DRICH1: variants seen among roughly 807,000 people sequenced by gnomAD.
DRICH1 encodes the protein aspartate-rich protein 1.
A neutral mutation model predicts 39.5 loss-of-function variants in DRICH1; 38 were observed. The ratio of observed to expected loss-of-function variants is 0.96; its 90% CI spans 0.74 to 1.26. The LOEUF (loss-of-function observed/expected upper bound fraction) is 1.26. Among genes scored for constraint, DRICH1 ranks in the 50% most tolerant of loss-of-function variants. The probability of loss-of-function intolerance (pLI) is 0.00; values close to 1 mark genes in which losing one functional copy is unlikely to be tolerated. For missense variants in DRICH1, 279 were observed against 270.4 expected, an observed-to-expected ratio of 1.03 and a Z score of -0.22; for synonymous variants, 84 against 99.5, an observed-to-expected ratio of 0.84 and a Z score of 0.93.
intron 1 of DRICH1, among the ~76,000 whole-genome samples, chr22:23,629,152 C>A (rs1382189952): frequency 6.6e-6 from 1 of 152,272 alleles, no homozygotes; most frequent in Non-Finnish European, 1.5e-5. Flanking sequence ...GATTCTCCTG[C>A]CTCAACCTCC....
upstream of DRICH1, chr22:23,632,682 G>C (rs112766269): frequency 0.089 from 13,554 of 152,394 alleles, 2,090 homozygotes; most frequent in African/African-American, 0.31. Context: ...CTGAGCGGGG[G>C]GGGTGGATCA....
At chr22:23,600,261 T>C in the DRICH1 span, among the ~76,000 whole-genome samples, 1 of 152,080 alleles carries the variant, frequency 6.6e-6, no homozygotes, top group Non-Finnish European at 1.5e-5. Flanking sequence ...CCCCCTGAAA[T>C]GTCTGAGGTT....
intron 1 of DRICH1, among the ~76,000 whole-genome samples, chr22:23,629,027 CTTTAA>C: frequency 6.7e-6 from 1 of 148,930 alleles, no homozygotes; most frequent in Non-Finnish European, 1.5e-5. Context: ...CCGCTCTTCT[CTTTAA>C]TTTTTTGTTT....
At position 23,625,973 on chromosome 22, in the gene DRICH1, G is replaced by A. The variant is rs370907048; in HGVS notation, c.276+8C>T. The stretch of plus-strand genomic sequence containing the variant: ...ATTTCCTTAGAAGGCAAAGAAAGGG[G>A]GTCTTACCTTGGCATCATCATTGTC... On this transcript the variant is annotated splice_region_variant and intron_variant, in intron 2 of 11. Coordinates refer to ENST00000317749, the MANE Select transcript of DRICH1 (RefSeq NM_016449.4). The A allele has an allele frequency of 1.7e-5, 27 of 1,608,918 alleles. No individual in the cohort carries two copies. The highest frequency in any genetic ancestry group is 2.7e-5 in the African/African-American group (2 of 74,802).
downstream of DRICH1, among the ~76,000 whole-genome samples, chr22:23,604,351 T>C (rs1167681145): frequency 6.6e-6 from 1 of 152,114 alleles, no homozygotes; most frequent in Non-Finnish European, 1.5e-5. Context: ...CACCTGTCAC[T>C]CATCCTCTGT....
intron 8 of DRICH1, among the ~76,000 whole-genome samples, chr22:23,615,221 A>C (rs1927284034): frequency 6.6e-6 from 1 of 152,068 alleles, no homozygotes; most frequent in Non-Finnish European, 1.5e-5. Context: ...TAAAAATACA[A>C]AAAAATTAGC....
intron 1 of DRICH1, chr22:23,630,545 T>A (rs948800368): frequency 2.0e-5 from 3 of 152,138 alleles, no homozygotes; most frequent in African/African-American, 7.2e-5. Context: ...AAGAATGACA[T>A]GACTTGGGAG....
Position 23,625,978 on chromosome 22 carries a change from T to TA in DRICH1, c.276+2dup. ...CTTAGAAGGCAAAGAAAGGGGGTCTTACCTTGGCATCATCATTGTCTTCCT... is the reference window on the plus strand; with the variant it reads ...CTTAGAAGGCAAAGAAAGGGGGTCTTAACCTTGGCATCATCATTGTCTTCCT... On this transcript the variant is annotated splice_region_variant and intron_variant, in intron 2 of 11. Coordinates refer to ENST00000317749, the MANE Select transcript of DRICH1 (RefSeq NM_016449.4). The TA allele has an allele frequency of 6.2e-7, 1 of 1,608,036 alleles. No homozygotes were observed. The highest frequency in any genetic ancestry group is 8.5e-7 in the Non-Finnish European group (1 of 1,177,936).
At chr22:23,601,146 G>GCGCGCA in the DRICH1 span, among the ~76,000 whole-genome samples, 375 of 146,212 alleles carry the variant, frequency 2.6e-3, 4 homozygotes, top group African/African-American at 9.0e-3. Context: ...ACGCACGCGC[G>GCGCGCA]CACACACACA....
At chr22:23,626,137 G>A (rs1044671746) in intron 1 of DRICH1, 89 bp from the exon 2 acceptor site, 33 of 870,862 alleles carry the variant, frequency 3.8e-5, no homozygotes, top group South Asian at 1.9e-4. Flanking sequence ...CACATGGAGC[G>A]TGGGACTGAA....
chr22:23,588,775 G>A, the DRICH1 span, among the ~76,000 whole-genome samples: 3 of 152,062 alleles, frequency 2.0e-5, no homozygotes, highest in African/African-American at 7.2e-5. Flanking sequence ...CTGCCACCCG[G>A]GTATCTCACA....
At chr22:23,632,629 C>T (rs533025784), upstream of DRICH1, among the ~76,000 whole-genome samples, 6 of 151,430 alleles carry the variant, frequency 4.0e-5, no homozygotes, top group South Asian at 4.2e-4. Flanking sequence ...CTGGTATGGC[C>T]GGGAGTGGTG....
the DRICH1 span, chr22:23,583,834 C>T: frequency 6.6e-6 from 1 of 152,520 alleles, no homozygotes; most frequent in African/African-American, 2.4e-5. Flanking sequence ...AGCACCTGCA[C>T]TGGGGGTCTG....
In DRICH1 at chr22:23,617,619, G is replaced by T. The variant is rs1395818078; in HGVS notation, c.475C>A (p.Arg159=). 10 of 1,614,018 alleles carry T rather than the reference G, an allele frequency of 6.2e-6. No homozygotes were observed. Among genetic ancestry groups the T allele is most frequent in the South Asian group, 4.4e-5 (4 of 91,086 alleles). ...EDNLSLVCLP[R]SEDDDCDDDD... ...TCATCACAGTCATCATCTTCACTTC[G>T]TGGTAGGCATACTAAACTCAGGTTG... is the stretch of plus-strand genomic sequence containing the variant. The change falls in exon 7 of 12, where the codon CGA becomes AGA. Residue 159 remains arginine (R), a synonymous_variant. Coordinates refer to ENST00000317749, the MANE Select transcript of DRICH1 (RefSeq NM_016449.4).
chr22:23,606,215 C>T (rs1926724429), downstream of DRICH1, among the ~76,000 whole-genome samples: 1 of 152,164 alleles, frequency 6.6e-6, no homozygotes, highest in African/African-American at 2.4e-5. Context: ...CTTGTCTCCT[C>T]CACAGGCCTC....
rs774369439 is a variant in DRICH1, at chr22:23,613,294, T to C, written c.680A>G (p.His227Arg). The C allele has an allele frequency of 6.2e-7, 1 of 1,612,952 alleles. No homozygotes were observed. The highest frequency in any genetic ancestry group is 8.5e-7 in the Non-Finnish European group (1 of 1,179,400). Reference protein sequence around the residue: ...TLESLSDEEIHPG With the variant: ...TLESLSDEEIRPG ...GCTGGCACGTAGTTCCCTACCTGGA[T>C]GAATCTCTTCATCACTTAGACTCTC... is the stretch of plus-strand genomic sequence containing the variant. The change falls in exon 11 of 12, where the codon CAT becomes CGT. Residue 227 changes from histidine to arginine, a missense_variant. Coordinates refer to ENST00000317749, the MANE Select transcript of DRICH1 (RefSeq NM_016449.4).
chr22:23,620,271 T>C (rs1432635364), intron 5 of DRICH1, among the ~76,000 whole-genome samples: 1 of 152,174 alleles, frequency 6.6e-6, no homozygotes, highest in Non-Finnish European at 1.5e-5. Flanking sequence ...CAAGTCTTGT[T>C]GCCCACCTGG....
the DRICH1 span, among the ~76,000 whole-genome samples, chr22:23,590,739 C>G: frequency 2.0e-5 from 3 of 152,080 alleles, no homozygotes; most frequent in Non-Finnish European, 4.4e-5. Context: ...ACTGGGATTA[C>G]AGGTGTGCAC....
downstream of DRICH1, chr22:23,607,042 G>A (rs1433786921): frequency 1.3e-5 from 2 of 152,848 alleles, no homozygotes; most frequent in East Asian, 3.8e-4. Context: ...TGTTGTGCAG[G>A]GGCCCACGAT....
Sources: gnomAD v4.1 joint callset for allele counts (sites outside exome capture counted in the v4.1 genomes callset) on GRCh38, gnomAD v4.1.1 for gene constraint, MANE v1.5 for transcripts, NCBI Gene and HGNC (gene_info 2026-07-23, HGNC 2026-07-21) for gene names.